The following WFDC1 variants were observed in gnomAD, a reference collection of about 807,000 sequenced individuals.
The protein encoded by WFDC1 is WAP four-disulfide core domain protein 1.
In WFDC1, 39 loss-of-function variants were observed where a neutral mutation model predicts 32.9. That is an observed-to-expected ratio of 1.19 (90% CI 0.92 to 1.55). The LOEUF is 1.55. Ranked by LOEUF, WFDC1 falls within the 40% of genes most tolerant of loss-of-function variation. The pLI is 0.00. For synonymous variants in WFDC1, 184 were observed against 137.4 expected, an observed-to-expected ratio of 1.34 and a Z score of -2.37; for missense variants, 386 against 309.5, an observed-to-expected ratio of 1.25 and a Z score of -1.85.
intron 1 of WFDC1, among the ~76,000 whole-genome samples, chr16:84,306,133 C>A (rs1336136080): frequency 6.6e-6 from 1 of 152,172 alleles, no homozygotes; most frequent in East Asian, 1.9e-4. Flanking sequence ...TTGATCTTCA[C>A]CACAGACATC....
At chr16:84,317,255 T>G (rs1235969533) in intron 2 of WFDC1, 5 of 151,816 alleles carry the variant, frequency 3.3e-5, no homozygotes, top group Admixed American at 3.3e-4. Flanking sequence ...ATCGTGCCAC[T>G]ACCCTTCAGC....
At chr16:84,309,546 A>G (rs1056869987) in intron 1 of WFDC1, among the ~76,000 whole-genome samples, 3 of 152,076 alleles carry the variant, frequency 2.0e-5, no homozygotes, top group Admixed American at 1.3e-4. Flanking sequence ...AGGGACAGAT[A>G]TCAAGTTTCC....
intron 1 of WFDC1, among the ~76,000 whole-genome samples, chr16:84,301,570 A>T (rs910436507): frequency 4.0e-5 from 6 of 151,784 alleles, no homozygotes; most frequent in African/African-American, 1.5e-4. Context: ...GGCTCCGGAA[A>T]CCCCCAGCAG....
chr16:84,319,693 A>G, intron 4 of WFDC1, 122 bp downstream of exon 4: 1 of 1,288,574 alleles, frequency 7.8e-7, no homozygotes, highest in Non-Finnish European at 1.1e-6. Flanking sequence ...GGCCTGACTG[A>G]GAGCTCCTCA....
At chr16:84,313,812 T>C (rs8051843) in intron 2 of WFDC1, among the ~76,000 whole-genome samples, 2 of 152,106 alleles carry the variant, frequency 1.3e-5, no homozygotes, top group African/African-American at 4.8e-5. Context: ...TCCTGTGAAA[T>C]GGGTGGATCA....
chr16:84,319,997 G>A (rs942512754), intron 4 of WFDC1, among the ~76,000 whole-genome samples: 9 of 152,290 alleles, frequency 5.9e-5, no homozygotes, highest in East Asian at 1.9e-4. Flanking sequence ...TTATATCCAC[G>A]TATGTGTAGA....
chr16:84,301,101 C>A (rs1344161847), intron 1 of WFDC1, among the ~76,000 whole-genome samples: 1 of 152,144 alleles, frequency 6.6e-6, no homozygotes, highest in Non-Finnish European at 1.5e-5. Context: ...GACCAGAGAA[C>A]ATGAGGGACT....
intron 1 of WFDC1, among the ~76,000 whole-genome samples, chr16:84,305,480 C>A (rs1223627812): frequency 6.6e-6 from 1 of 152,236 alleles, no homozygotes; most frequent in Admixed American, 6.5e-5. Flanking sequence ...CCACTTTTCA[C>A]TGTTGCTGGT....
intron 5 of WFDC1, 65 bp downstream of exon 5, chr16:84,324,525 G>A: frequency 6.4e-7 from 1 of 1,559,588 alleles, no homozygotes; most frequent in South Asian, 1.2e-5. Flanking sequence ...AGTTTCTTAT[G>A]TGAAGAAAAA....
intron 2 of WFDC1, chr16:84,317,423 GC>G (rs1254748881): frequency 6.6e-6 from 1 of 152,080 alleles, no homozygotes; most frequent in African/African-American, 2.4e-5. Context: ...ACTGGTCAGG[GC>G]TAACCAGCAG....
At chr16:84,303,321 G>A (rs893716259) in intron 1 of WFDC1, among the ~76,000 whole-genome samples, 2 of 152,082 alleles carry the variant, frequency 1.3e-5, no homozygotes, top group Non-Finnish European at 2.9e-5. Context: ...TTCCAAAGAA[G>A]GGTAAAAGCT....
At chr16:84,307,012 G>T (rs1567654128) in intron 1 of WFDC1, among the ~76,000 whole-genome samples, 2 of 152,190 alleles carry the variant, frequency 1.3e-5, no homozygotes, top group Non-Finnish European at 2.9e-5. Context: ...TGTATGAGCA[G>T]ATCCCAGGTA....
At chr16:84,308,752 A>G (rs1485013390) in intron 1 of WFDC1, among the ~76,000 whole-genome samples, 11 of 146,474 alleles carry the variant, frequency 7.5e-5, no homozygotes, top group African/African-American at 1.5e-4. Context: ...CGCCATCCTG[A>G]GTGTAGATGC....
chr16:84,308,842 GGTGTAGAT>G (rs1224866449), intron 1 of WFDC1, among the ~76,000 whole-genome samples: 1 of 112,808 alleles, frequency 8.9e-6, no homozygotes, highest in African/African-American at 3.4e-5. Context: ...TGCCAGCCTG[GGTGTAGAT>G]GCCAGCCTGG....
chr16:84,313,123 G>C lies in WFDC1; in HGVS notation c.307G>C (p.Ala103Pro), dbSNP rs1907743419. The change falls in exon 2 of 7, where the codon GCC (alanine) becomes CCC (proline). Residue 103 changes from alanine (A) to proline (P), a missense_variant. Transcript: ENST00000219454. The part of the protein sequence containing the change: ...RRCCYNGCAY[A>P]CLEAVPPPPV... ...CTGCTGCTACAACGGATGCGCCTAC[G>C]CCTGCCTAGAAGCTGTGCCGCCCCC... 6.9e-7 allele frequency: 1 copy of C among 1,445,466 alleles called. No homozygotes were observed. The highest frequency in any genetic ancestry group is 1.5e-5 in the African/African-American group (1 of 66,988). The allele number at this position is 1,445,466 out of a possible 1,614,324, so 89.5% of individuals were successfully genotyped here.
chr16:84,328,367 G>C (rs899247650), intron 6 of WFDC1: 3 of 152,240 alleles, frequency 2.0e-5, no homozygotes, highest in Non-Finnish European at 4.4e-5. Context: ...CCCAGCCCCT[G>C]TGAATGCTGG....
intron 6 of WFDC1, chr16:84,327,255 A>G: frequency 3.0e-6 from 1 of 334,124 alleles, no homozygotes; most frequent in South Asian, 3.9e-5. Flanking sequence ...CACTGGCACA[A>G]TCATTGTTCA....
chr16:84,299,206 C>CA (rs3837759), intron 1 of WFDC1, among the ~76,000 whole-genome samples: 8 of 151,454 alleles, frequency 5.3e-5, no homozygotes, highest in East Asian at 1.9e-4. Flanking sequence ...ACTAAAAATA[C>CA]AAAAAAAATT....
chr16:84,318,056 A>G (rs1050398875), intron 2 of WFDC1: 2 of 524,742 alleles, frequency 3.8e-6, no homozygotes, highest in East Asian at 3.3e-5. Context: ...CAAGGGAGGC[A>G]GGGAAGGCTA....
Sources: gnomAD v4.1 joint callset for allele counts (sites outside exome capture counted in the v4.1 genomes callset) on GRCh38, gnomAD v4.1.1 for gene constraint, MANE v1.5 for transcripts, NCBI Gene and HGNC (gene_info 2026-07-23, HGNC 2026-07-21) for gene names.